Variants in BBS4 observed in about 807,000 individuals in gnomAD.
BBS4 encodes the protein BBSome complex member BBS4.
Under a neutral mutation model 71.4 loss-of-function variants are expected in BBS4, and 58 were observed. The observed-to-expected ratio is 0.81, with a 90% CI of 0.66 to 1.01. The LOEUF is 1.01. Among genes scored for constraint, BBS4 ranks in the 50% least tolerant of loss-of-function variants. The pLI is 0.00. For synonymous variants in BBS4, 228 were observed against 216.8 expected (o/e 1.05, Z -0.46); for missense variants, 660 against 607.9 (o/e 1.09, Z -0.90).
At chr15:72,717,569 A>G (rs563875485) in intron 6 of BBS4, among the ~76,000 whole-genome samples, 2 of 152,166 alleles carry the variant, frequency 1.3e-5, no homozygotes, top group Non-Finnish European at 2.9e-5. Flanking sequence ...GGAAAGCACA[A>G]CTTTCCCAGA....
chr15:72,715,413 G>A lies in BBS4; in HGVS notation c.332+11G>A. 1.3e-6 allele frequency: 2 copies of A among 1,576,794 alleles called. No homozygotes were observed. Among genetic ancestry groups the A allele is most frequent in the Non-Finnish European group, 1.7e-6 (2 of 1,146,182 alleles). ...GGTGGCCAGATCTTTGTGAGTATTG[G>A]CAACCTGGAGGCCCTAGGGCACTCA... On this transcript the variant is annotated intron_variant, in intron 5 of 15. Transcript: ENST00000268057.
intron 14 of BBS4, 93 bp from the exon 15 acceptor site, chr15:72,736,669 C>G (rs2065930408): frequency 8.3e-7 from 1 of 1,204,518 alleles, no homozygotes; most frequent in African/African-American, 1.5e-5. Flanking sequence ...GACACTATTT[C>G]AGCTAAAACC....
intron 2 of BBS4, among the ~76,000 whole-genome samples, chr15:72,703,766 C>G (rs2065216771): frequency 6.6e-6 from 1 of 151,996 alleles, no homozygotes; most frequent in African/African-American, 2.4e-5. Flanking sequence ...GCTTTACTTG[C>G]AATATATTTA....
At chr15:72,734,344 A>G (rs752434391) in intron 12 of BBS4, among the ~76,000 whole-genome samples, 90 of 152,250 alleles carry the variant, frequency 5.9e-4, no homozygotes, top group Admixed American at 5.8e-3. Flanking sequence ...ACAACAAGCT[A>G]AAATGGAATA....
intron 2 of BBS4, among the ~76,000 whole-genome samples, chr15:72,707,195 T>G (rs1267027819): frequency 2.0e-5 from 3 of 150,678 alleles, no homozygotes; most frequent in Non-Finnish European, 4.4e-5. Context: ...TTTTTTTTTT[T>G]GGAGACAGAA....
At position 72,735,084 on chromosome 15, in the gene BBS4, C is replaced by T. The variant is rs889496568; in HGVS notation, c.1037-29C>T. ...CTCCTTTTGTCTTCTAAGCTGAGCT[C>T]TCCAGCTGCAGTGCTTTCTTTGTTG... On this transcript the variant is annotated intron_variant, in intron 12 of 15. Transcript: ENST00000268057. 4.5e-6 allele frequency: 7 copies of T among 1,572,370 alleles called. No homozygotes were observed. The African/African-American group carries it at 8.1e-5, about 18-fold the overall frequency.
chr15:72,725,173 A>C (rs955357958), intron 8 of BBS4, among the ~76,000 whole-genome samples: 1 of 151,162 alleles, frequency 6.6e-6, no homozygotes, highest in Non-Finnish European at 1.5e-5. Context: ...CAATCTTCCT[A>C]CCTCAGCCTC....
In BBS4 at chr15:72,686,408, G is replaced by C. The variant is rs762975546; in HGVS notation, c.24+157G>C. On this transcript the variant is annotated intron_variant, in intron 1 of 15. Transcript: ENST00000268057. The stretch of plus-strand genomic sequence containing the variant: ...CACGGTCCCCTTTTTACTGTCCCGG[G>C]AACTGGTCGCCTGGGGCAAGTCTGG... The C allele has an allele frequency of 7.2e-6, 11 of 1,534,932 alleles. No individual in the cohort carries two copies. In the East Asian group the frequency reaches 1.7e-4, roughly 24 times the overall value.
At position 72,714,560 on chromosome 15, in the gene BBS4, T is replaced by C. The variant is rs549547918; in HGVS notation, c.221-731T>C. ...AAATTTTCCTCTTTAGTGGCATAAG[T>C]AGCATTCTTAGTTTTTCCAGGAACT... On this transcript the variant is annotated intron_variant, in intron 4 of 15. Transcript: ENST00000268057. Among the ~76,000 whole-genome samples, 5 of 152,344 alleles carry C rather than the reference T, an allele frequency of 3.3e-5. No individual in the cohort carries two copies. The South Asian group carries it at 1.0e-3, about 32-fold the overall frequency.
Position 72,695,196 on chromosome 15 carries a change from C to T in BBS4, c.44C>T (p.Ser15Phe). 1 of 1,606,686 alleles carries T rather than the reference C, an allele frequency of 6.2e-7. No individual in the cohort carries two copies. Among genetic ancestry groups the T allele is most frequent in the South Asian group, 1.1e-5 (1 of 90,852 alleles). Residue 15 changes from serine to phenylalanine, a missense_variant, in exon 2 of 16, where the codon TCT becomes TTT. Ser to Phe is a radical substitution (Grantham distance 155). Transcript: ENST00000268057. ...TTTCAGAGAACTCAATTTCCTGTAT[C>T]TACTGAGTCTCAAAAACCCCGGCAG... ...RVATRTQFPV[S>F]TESQKPRQKK... is the part of the protein sequence containing the mutation.
intron 3 of BBS4, among the ~76,000 whole-genome samples, chr15:72,711,357 C>T (rs1179325508): frequency 6.6e-6 from 1 of 151,768 alleles, no homozygotes; most frequent in Admixed American, 6.6e-5. Flanking sequence ...CCATGTTGGT[C>T]AGGCTGGTCT....
chr15:72,715,154 G>C, intron 4 of BBS4, 137 bp from the exon 5 acceptor site: 1 of 688,630 alleles, frequency 1.5e-6, no homozygotes, highest in Non-Finnish European at 2.6e-6. Flanking sequence ...ATATCTGATT[G>C]TTTTAAGGAT....
intron 1 of BBS4, among the ~76,000 whole-genome samples, chr15:72,687,489 A>G (rs2064880821): frequency 6.6e-6 from 1 of 151,488 alleles, no homozygotes; most frequent in African/African-American, 2.4e-5. Context: ...CTGTAATCCC[A>G]GGTACCTGGA....
At chr15:72,691,886 C>A (rs534110609) in intron 1 of BBS4, among the ~76,000 whole-genome samples, 68 of 151,880 alleles carry the variant, frequency 4.5e-4, no homozygotes, top group African/African-American at 1.6e-3. Context: ...TCACTTGAAC[C>A]CAGGAGGCGG....
chr15:72,695,857 G>A (rs541211141), intron 2 of BBS4, among the ~76,000 whole-genome samples: 1 of 152,246 alleles, frequency 6.6e-6, no homozygotes, highest in Admixed American at 6.5e-5. Flanking sequence ...TTCTATTGTG[G>A]GTAGAGAACA....
At chr15:72,722,640 T>C (rs1567420665) in intron 6 of BBS4, 154 bp from the exon 7 acceptor site, 6 of 672,280 alleles carry the variant, frequency 8.9e-6, no homozygotes, top group Non-Finnish European at 1.6e-5. Flanking sequence ...AACAATTAAT[T>C]TGAGTATGAA....
chr15:72,687,084 ATAT>A (rs949822469), intron 1 of BBS4, among the ~76,000 whole-genome samples: 7 of 141,796 alleles, frequency 4.9e-5, no homozygotes, highest in Admixed American at 4.3e-4. Context: ...CAGAGTAGTC[ATAT>A]TATTCTAGTC....
intron 2 of BBS4, among the ~76,000 whole-genome samples, chr15:72,707,994 G>A (rs2065295288): frequency 6.7e-6 from 1 of 148,742 alleles, no homozygotes; most frequent in Non-Finnish European, 1.5e-5. Context: ...TTGAGACGGA[G>A]TCTCACTCTT....
intron 1 of BBS4, among the ~76,000 whole-genome samples, chr15:72,693,360 ACT>A (rs1382419323): frequency 6.6e-6 from 1 of 152,122 alleles, no homozygotes; most frequent in Non-Finnish European, 1.5e-5. Flanking sequence ...GAATCTAAAA[ACT>A]CTCAAATTCT....
Sources: allele counts gnomAD v4.1 joint callset (sites outside exome capture counted in the v4.1 genomes callset), GRCh38; gene constraint gnomAD v4.1.1; transcripts MANE v1.5; gene names NCBI Gene and HGNC (gene_info 2026-07-23, HGNC 2026-07-21).